The following GABBR2 variants were observed in gnomAD, a reference collection of about 807,000 sequenced individuals.
The protein encoded by GABBR2 is G-protein coupled receptor 51.
In GABBR2, 23 loss-of-function variants were observed where a neutral mutation model predicts 105.6. The ratio of observed to expected loss-of-function variants is 0.22; its 90% CI spans 0.16 to 0.31. The LOEUF (loss-of-function observed/expected upper bound fraction) is 0.31. GABBR2 is among the 10% of genes least tolerant of loss of function. The pLI is 1.00. For synonymous variants in GABBR2, 478 were observed against 499.7 expected (o/e 0.96, Z 0.58); for missense variants, 734 against 1,245.5 (o/e 0.59, Z 6.18).
chr9:98,470,089 T>C (rs1826639166), intron 6 of GABBR2, among the ~76,000 whole-genome samples: 1 of 152,182 alleles, frequency 6.6e-6, no homozygotes, highest in Admixed American at 6.5e-5. Flanking sequence ...CTAGAGAGAA[T>C]GTTCAACAAA....
intron 1 of GABBR2, among the ~76,000 whole-genome samples, chr9:98,614,791 G>A (rs969624206): frequency 6.9e-6 from 1 of 145,322 alleles, no homozygotes; most frequent in African/African-American, 2.5e-5. Context: ...GGGAGGGAGG[G>A]AGGGAGAGAG....
chr9:98,559,973 CAA>C (rs1554717248), intron 2 of GABBR2, among the ~76,000 whole-genome samples: 8 of 138,076 alleles, frequency 5.8e-5, no homozygotes, highest in Non-Finnish European at 9.3e-5. Flanking sequence ...AAATGAGGAA[CAA>C]ACACACACAC....
chr9:98,609,842 C>T (rs1829480203), intron 1 of GABBR2, among the ~76,000 whole-genome samples: 1 of 152,232 alleles, frequency 6.6e-6, no homozygotes, highest in African/African-American at 2.4e-5. Flanking sequence ...GCTCCAAACC[C>T]AGGCTCAGGG....
At chr9:98,624,882 C>A (rs1203186514) in intron 1 of GABBR2, among the ~76,000 whole-genome samples, 1 of 152,206 alleles carries the variant, frequency 6.6e-6, no homozygotes, top group Admixed American at 6.5e-5. Flanking sequence ...TTTTCTCTCT[C>A]TGGACCTCAG....
chr9:98,425,424 GTGTT>G (rs1832857132), intron 7 of GABBR2, among the ~76,000 whole-genome samples: 1 of 152,198 alleles, frequency 6.6e-6, no homozygotes, highest in East Asian at 1.9e-4. Context: ...TGGTACACAT[GTGTT>G]TGTTCATTCA....
intron 1 of GABBR2, among the ~76,000 whole-genome samples, chr9:98,637,946 G>C (rs879452689): frequency 2.8e-4 from 43 of 152,312 alleles, no homozygotes; most frequent in Middle Eastern, 3.4e-3. Context: ...ATACTGGATA[G>C]TGTACATGTA....
intron 2 of GABBR2, among the ~76,000 whole-genome samples, chr9:98,566,389 T>C (rs1396489631): frequency 3.9e-5 from 6 of 152,098 alleles, no homozygotes; most frequent in African/African-American, 9.7e-5. Flanking sequence ...AAGAATAATA[T>C]TGATGGCTGG....
chr9:98,472,938 T>A (rs989771552), intron 6 of GABBR2, among the ~76,000 whole-genome samples: 1 of 152,190 alleles, frequency 6.6e-6, no homozygotes, highest in Non-Finnish European at 1.5e-5. Flanking sequence ...ACAATATCCT[T>A]ACCTCATTTG....
intron 1 of GABBR2, among the ~76,000 whole-genome samples, chr9:98,680,774 C>T (rs953503869): frequency 1.3e-4 from 20 of 152,052 alleles, no homozygotes; most frequent in African/African-American, 4.3e-4. Context: ...ACTTAAATAC[C>T]GGGACACTGA....
intron 11 of GABBR2, among the ~76,000 whole-genome samples, chr9:98,382,055 A>G (rs1831986768): frequency 6.6e-6 from 1 of 151,964 alleles, no homozygotes; most frequent in African/African-American, 2.4e-5. Flanking sequence ...GGAAGGAGAG[A>G]GTTTCTAAAG....
chr9:98,670,516 C>G (rs987755906), intron 1 of GABBR2, among the ~76,000 whole-genome samples: 2 of 152,210 alleles, frequency 1.3e-5, no homozygotes, highest in Admixed American at 6.5e-5. Flanking sequence ...AGATTCCAAA[C>G]AGAAATTTGT....
chr9:98,377,546 T>G (rs1449248486), intron 11 of GABBR2, among the ~76,000 whole-genome samples: 3 of 151,506 alleles, frequency 2.0e-5, no homozygotes, highest in African/African-American at 7.3e-5. Context: ...TTTACTTAGG[T>G]TTTCAATCTA....
At chr9:98,538,217 G>A (rs1243432856) in intron 3 of GABBR2, among the ~76,000 whole-genome samples, 1 of 152,234 alleles carries the variant, frequency 6.6e-6, no homozygotes, top group Non-Finnish European at 1.5e-5. Context: ...AGGGAAAAGT[G>A]GATCTCTATG....
At chr9:98,606,938 T>A in intron 1 of GABBR2, 1 of 701,662 alleles carries the variant, frequency 1.4e-6, no homozygotes, top group Middle Eastern at 3.9e-4. Context: ...AATCATCTTC[T>A]TCCTGCTTGC....
In GABBR2 at chr9:98,409,901, C is replaced by T. The variant is rs538625540; in HGVS notation, c.1237-3760G>A. Among the ~76,000 whole-genome samples the T allele has an allele frequency of 3.1e-4, 47 of 152,304 alleles. 1 individual carries two copies. The South Asian group carries it at 9.1e-3, about 30-fold the overall frequency. On this transcript the variant is annotated intron_variant, in intron 7 of 18. Coordinates refer to ENST00000259455, the MANE Select transcript of GABBR2 (RefSeq NM_005458.8). ...AAACTTCCTGTATGCAAATCTTTGT[C>T]TCAGAGCCTGTTTTCTGGGTAACCC...
intron 6 of GABBR2, among the ~76,000 whole-genome samples, chr9:98,472,765 T>C (rs1490302213): frequency 6.6e-6 from 1 of 152,098 alleles, no homozygotes; most frequent in Non-Finnish European, 1.5e-5. Flanking sequence ...ACTTAAGGCG[T>C]CTTTCCTCTC....
Position 98,388,973 on chromosome 9 carries a change from G to T in GABBR2, c.1410C>A (p.Ile470=), listed in dbSNP as rs368743195. The T allele has an allele frequency of 6.2e-7, 1 of 1,613,600 alleles. No individual in the cohort carries two copies. Among genetic ancestry groups the T allele is most frequent in the African/African-American group, 1.3e-5 (1 of 74,906 alleles). Residue 470 remains isoleucine (I), a synonymous_variant, in exon 10 of 19, where the codon ATC becomes ATA. Transcript: ENST00000259455. This position sits in a 1 kb window ranked among gnomAD's most constrained non-coding sequence, Gnocchi z 4.4. Reference sequence around the variant, plus strand: ...GGGAGATCTTCCGCAGCTGCTCCAGGATGATGGTCTTGTCTTTTGGTGGTT... The same window carrying T: ...GGGAGATCTTCCGCAGCTGCTCCAGTATGATGGTCTTGTCTTTTGGTGGTT... ...GSEPPKDKTI[I]LEQLRKISLP... is the part of the protein sequence containing the mutation.
intron 6 of GABBR2, among the ~76,000 whole-genome samples, chr9:98,470,129 A>C (rs1250334512): frequency 6.6e-6 from 1 of 152,218 alleles, no homozygotes; most frequent in African/African-American, 2.4e-5. Context: ...CAGGCTGAGC[A>C]TGGGGAGGGG....
In GABBR2 at chr9:98,695,438, A is replaced by C. The variant is rs557993293; in HGVS notation, c.321+12979T>G. Among the ~76,000 whole-genome samples, 7 of 152,254 alleles carry C rather than the reference A, an allele frequency of 4.6e-5. No homozygotes were observed. In the South Asian group the frequency reaches 1.2e-3, roughly 27 times the overall value. ...TGGTTCACCACTGAGCTCTCAGCGC[A>C]CCTCAAATCCTTCCAGAAATGGATG... is the stretch of plus-strand genomic sequence containing the variant. On this transcript the variant is annotated intron_variant, in intron 1 of 18. Coordinates refer to ENST00000259455, the MANE Select transcript of GABBR2 (RefSeq NM_005458.8).
Sources: gnomAD v4.1 joint callset for allele counts (sites outside exome capture counted in the v4.1 genomes callset) on GRCh38, gnomAD v4.1.1 for gene constraint, Gnocchi (gnomAD v3.1) non-coding constraint, MANE v1.5 for transcripts, NCBI Gene and HGNC (gene_info 2026-07-23, HGNC 2026-07-21) for gene names.